ABCA9: variants seen among roughly 807,000 people sequenced by gnomAD.
ABCA9 encodes ATP binding cassette subfamily A member 9.
Under a neutral mutation model 205.3 loss-of-function variants are expected in ABCA9, and 183 were observed. That is an observed-to-expected ratio of 0.89 (90% CI 0.79 to 1.01). The LOEUF (loss-of-function observed/expected upper bound fraction) is 1.01. ABCA9 is among the 50% of genes least tolerant of loss of function. The pLI is 0.00. For missense variants in ABCA9, 1,805 were observed against 1,912.4 expected, an observed-to-expected ratio of 0.94 and a Z score of 1.05; for synonymous variants, 651 against 683.3, an observed-to-expected ratio of 0.95 and a Z score of 0.74.
chr17:69,033,831 C>A lies in ABCA9; in HGVS notation c.1171G>T (p.Asp391Tyr). ...DYDVNSNAHL[D>Y]SSQNPYLIIA... ...ATGAGGTATGGATTTTGTGAAGAAT[C>A]CAAGTGGGCATTAGAATTCACATCA... Residue 391 changes from aspartate to tyrosine, a missense_variant, in exon 9 of 39, where the codon GAT (aspartate) becomes TAT (tyrosine). Coordinates refer to ENST00000340001, the MANE Select transcript of ABCA9 (RefSeq NM_080283.4). 6.2e-7 allele frequency: 1 copy of A among 1,607,146 alleles called. No individual in the cohort carries two copies.
chr17:69,077,435 A>G, the ABCA9 span, among the ~76,000 whole-genome samples: 5 of 152,162 alleles, frequency 3.3e-5, no homozygotes, highest in African/African-American at 7.2e-5. Flanking sequence ...CATGTGGCCA[A>G]TCTTGGAGTA....
chr17:69,070,178 A>G, the ABCA9 span, among the ~76,000 whole-genome samples: 3 of 152,198 alleles, frequency 2.0e-5, no homozygotes, highest in Admixed American at 2.0e-4. Flanking sequence ...ATATCTGTAA[A>G]ATATACAGAT....
intron 22 of ABCA9, chr17:69,012,347 T>G: frequency 3.1e-6 from 1 of 326,556 alleles, no homozygotes; most frequent in Non-Finnish European, 5.6e-6. Flanking sequence ...AGTTAATAAC[T>G]TGTAAGGTAG....
At chr17:69,065,788 A>G (rs1424759481), upstream of ABCA9, among the ~76,000 whole-genome samples, 1 of 152,130 alleles carries the variant, frequency 6.6e-6, no homozygotes, top group East Asian at 1.9e-4. Context: ...TAGTTCCCAT[A>G]ATCCCCATGT....
intron 28 of ABCA9, 37 bp from the exon 29 acceptor site, chr17:68,990,994 G>C: frequency 6.3e-7 from 1 of 1,580,782 alleles, no homozygotes; most frequent in South Asian, 1.2e-5. Context: ...TAAACTTCGG[G>C]TTAAAAATCT....
At position 69,020,534 on chromosome 17, in the gene ABCA9, G is replaced by A. The variant is rs1217390765; in HGVS notation, c.2454C>T (p.Ser818=). 6.2e-7 allele frequency: 1 copy of A among 1,613,862 alleles called. No homozygotes were observed. Among genetic ancestry groups the A allele is most frequent in the Non-Finnish European group, 8.5e-7 (1 of 1,179,954 alleles). Residue 818 remains serine, a synonymous_variant, in exon 19 of 39, where the codon AGC becomes AGT. Transcript: ENST00000340001. ...ACAAAACTTGTTCCAGCTCAACAAG[G>A]CTTCCTATATCTTTTGCCCCATCAG... ...LQTDGAKDIG[S]LVELEQVLSS...
intron 19 of ABCA9, among the ~76,000 whole-genome samples, chr17:69,019,139 T>C (rs997941052): frequency 2.0e-5 from 3 of 152,146 alleles, no homozygotes; most frequent in Non-Finnish European, 4.4e-5. Flanking sequence ...CTTCTTAAGT[T>C]GGGCTTTTAT....
the ABCA9 span, among the ~76,000 whole-genome samples, chr17:69,076,709 G>A: frequency 6.6e-6 from 1 of 152,010 alleles, no homozygotes; most frequent in East Asian, 1.9e-4. Context: ...GGTCTGCTAG[G>A]GTTTCAATTT....
intron 31 of ABCA9, among the ~76,000 whole-genome samples, chr17:68,988,597 A>C (rs185167883): frequency 6.6e-6 from 1 of 152,218 alleles, no homozygotes; most frequent in Non-Finnish European, 1.5e-5. Context: ...AGTCACACAT[A>C]ATCTTTAATT....
At position 68,987,758 on chromosome 17, in the gene ABCA9, G is replaced by GTTT. The variant is rs72302464; in HGVS notation, c.4047+1266_4047+1268dup. On this transcript the variant is annotated intron_variant, in intron 31 of 38. Transcript: ENST00000340001. ...TGCGTTTTTTTTTGTTTGTTTGTTT[G>GTTT]TTTGTTTGTTTTTTTGTTTGAGATG... Among the ~76,000 whole-genome samples the GTTT allele has an allele frequency of 6.0e-4, 57 of 95,464 alleles. 1 individual carries two copies. Among genetic ancestry groups the GTTT allele is most frequent in the Non-Finnish European group, 1.0e-3 (39 of 37,368 alleles). The allele number at this position is 95,464 out of a possible 152,430, so 62.6% of individuals were successfully genotyped here.
intron 5 of ABCA9, among the ~76,000 whole-genome samples, chr17:69,044,285 C>T (rs2071639848): frequency 6.6e-6 from 1 of 152,140 alleles, no homozygotes; most frequent in Non-Finnish European, 1.5e-5. Context: ...GTTTCTATCT[C>T]CCCCTATACC....
At chr17:68,998,296 C>T (rs2069705724) in intron 25 of ABCA9, among the ~76,000 whole-genome samples, 2 of 152,098 alleles carry the variant, frequency 1.3e-5, no homozygotes, top group Admixed American at 6.6e-5. Flanking sequence ...GCTTTTAAAA[C>T]GTTTACTTCC....
At chr17:69,002,547 T>A (rs1487025595) in intron 25 of ABCA9, among the ~76,000 whole-genome samples, 1 of 150,056 alleles carries the variant, frequency 6.7e-6, no homozygotes, top group Non-Finnish European at 1.5e-5. Flanking sequence ...AATTATGTGG[T>A]CAATTTTGGA....
chr17:68,987,834 C>T (rs567941610), intron 31 of ABCA9, among the ~76,000 whole-genome samples: 2 of 150,760 alleles, frequency 1.3e-5, no homozygotes, highest in East Asian at 2.0e-4. Flanking sequence ...TATCTCAGCT[C>T]ACCGCAACCT....
At position 69,018,415 on chromosome 17, in the gene ABCA9, G is replaced by T; in HGVS notation, c.2765C>A (p.Thr922Lys). 3 of 1,564,698 alleles carry T rather than the reference G, an allele frequency of 1.9e-6. No homozygotes were observed. The highest frequency in any genetic ancestry group is 2.6e-6 in the Non-Finnish European group (3 of 1,161,638). ...PLTHLLVINK[T>K]GSTIDNFLHS... Reference sequence around the variant, plus strand: ...CTGCATTTCAGCCCCATGTTCACCTGTCTTATTGATGACCAGTAAATGGGT... The same window carrying T: ...CTGCATTTCAGCCCCATGTTCACCTTTCTTATTGATGACCAGTAAATGGGT... Residue 922 changes from threonine to lysine, a missense_variant and splice_region_variant, in exon 20 of 39, where the codon ACA becomes AAA. Physicochemically the swap from Thr to Lys is moderately conservative, Grantham distance 78 (BLOSUM62 -1). Coordinates refer to ENST00000340001, the MANE Select transcript of ABCA9 (RefSeq NM_080283.4).
chr17:69,062,744 C>T (rs936659678), upstream of ABCA9, among the ~76,000 whole-genome samples: 1 of 152,066 alleles, frequency 6.6e-6, no homozygotes, highest in Non-Finnish European at 1.5e-5. Context: ...AACTCCTGAC[C>T]TCAAATGATG....
At chr17:69,035,577 G>A in intron 7 of ABCA9, 83 bp downstream of exon 7, 6 of 1,538,428 alleles carry the variant, frequency 3.9e-6, no homozygotes, top group Non-Finnish European at 5.3e-6. Context: ...AACAAAAGAG[G>A]TGAGACCAGA....
At chr17:69,020,047 C>A (rs1017848960) in intron 19 of ABCA9, 5 of 201,656 alleles carry the variant, frequency 2.5e-5, no homozygotes, top group African/African-American at 1.2e-4. Context: ...CTGGGGAACC[C>A]TGACAGCTAC....
intron 4 of ABCA9, 118 bp downstream of exon 4, chr17:69,045,054 T>A (rs2071664721): frequency 1.4e-6 from 1 of 725,164 alleles, no homozygotes; most frequent in African/African-American, 1.8e-5. Flanking sequence ...GTTCAGAAAT[T>A]AAAGCTCTAT....
Sources: allele counts gnomAD v4.1 joint callset (sites outside exome capture counted in the v4.1 genomes callset), GRCh38; gene constraint gnomAD v4.1.1; transcripts MANE v1.5; gene names NCBI Gene and HGNC (gene_info 2026-07-23, HGNC 2026-07-21).